Variants in DCDC1 observed in about 807,000 individuals in gnomAD.
DCDC1 encodes doublecortin domain containing 1.
Under a neutral mutation model 178.3 loss-of-function variants are expected in DCDC1, and 200 were observed. That is an observed-to-expected ratio of 1.12 (90% CI 1.00 to 1.26). DCDC1 has a LOEUF of 1.26. DCDC1 is among the 50% of genes most tolerant of loss of function. The probability of loss-of-function intolerance (pLI) is 0.00; values close to 1 mark genes in which losing one functional copy is unlikely to be tolerated. For missense variants in DCDC1, 1,983 were observed against 1,749.2 expected, an observed-to-expected ratio of 1.13 and a Z score of -2.38; for synonymous variants, 690 against 604.8, an observed-to-expected ratio of 1.14 and a Z score of -2.07.
chr11:31,003,985 T>C (rs1460964701), intron 20 of DCDC1, among the ~76,000 whole-genome samples: 1 of 152,146 alleles, frequency 6.6e-6, no homozygotes, highest in Non-Finnish European at 1.5e-5. Context: ...CTTGGGCAAG[T>C]GGTGGCTGGT....
At chr11:31,309,801 C>T (rs1390499771) in intron 3 of DCDC1, among the ~76,000 whole-genome samples, 2 of 152,062 alleles carry the variant, frequency 1.3e-5, no homozygotes, top group Non-Finnish European at 2.9e-5. Context: ...TTTTCATATT[C>T]TGAAGTTTTA....
At chr11:30,878,247 G>T (rs1488361159) in intron 38 of DCDC1, among the ~76,000 whole-genome samples, 1 of 152,070 alleles carries the variant, frequency 6.6e-6, no homozygotes, top group Non-Finnish European at 1.5e-5. Context: ...GAGCTCAGGA[G>T]TTCAAGACCA....
rs577651828 is a variant in DCDC1, at chr11:31,179,893, A to T, written c.1222-42109T>A. Among the ~76,000 whole-genome samples the T allele has an allele frequency of 5.9e-5, 9 of 152,380 alleles. No individual in the cohort carries two copies. The East Asian group carries it at 1.5e-3, about 26-fold the overall frequency. Reference sequence around the variant, plus strand: ...CATAGATGCAAAAATTCTCAACAAGATATTAGCAAGCCAAATCCAACAGCA... The same window carrying T: ...CATAGATGCAAAAATTCTCAACAAGTTATTAGCAAGCCAAATCCAACAGCA... On this transcript the variant is annotated intron_variant, in intron 9 of 38. Coordinates refer to ENST00000684477, the MANE Select transcript of DCDC1 (RefSeq NM_001387274.1).
At chr11:31,057,571 T>C (rs1028474125) in intron 20 of DCDC1, among the ~76,000 whole-genome samples, 1 of 152,054 alleles carries the variant, frequency 6.6e-6, no homozygotes, top group East Asian at 1.9e-4. Context: ...TATCCTTAAA[T>C]GTACACATCA....
chr11:31,367,703 A>T (rs1952033447), intron 1 of DCDC1, among the ~76,000 whole-genome samples: 1 of 152,220 alleles, frequency 6.6e-6, no homozygotes, highest in South Asian at 2.1e-4. Flanking sequence ...TAGTAGGAGA[A>T]AAGAATGTAA....
intron 1 of DCDC1, among the ~76,000 whole-genome samples, chr11:31,345,521 T>A (rs1336753941): frequency 6.6e-6 from 1 of 151,822 alleles, no homozygotes; most frequent in Non-Finnish European, 1.5e-5. Context: ...ATGTGGGGAG[T>A]GTCAAAAGCA....
intron 29 of DCDC1, among the ~76,000 whole-genome samples, chr11:30,907,565 G>A (rs1349410862): frequency 1.3e-5 from 2 of 152,070 alleles, no homozygotes; most frequent in East Asian, 1.9e-4. Flanking sequence ...GCTGCCATTG[G>A]AACCCCGAGA....
chr11:31,068,765 T>G (rs1300208560), intron 18 of DCDC1, among the ~76,000 whole-genome samples: 5 of 152,276 alleles, frequency 3.3e-5, no homozygotes, highest in East Asian at 3.9e-4. Flanking sequence ...TAATAATTTT[T>G]GGGAATATAC....
chr11:31,037,223 T>C (rs542655387), intron 20 of DCDC1, among the ~76,000 whole-genome samples: 1 of 152,246 alleles, frequency 6.6e-6, no homozygotes, highest in Admixed American at 6.5e-5. Flanking sequence ...ATTGTGCACA[T>C]ATGGCGCCAT....
intron 18 of DCDC1, among the ~76,000 whole-genome samples, chr11:31,065,751 T>C (rs1178043488): frequency 6.6e-6 from 1 of 152,128 alleles, no homozygotes; most frequent in African/African-American, 2.4e-5. Context: ...ATGAAGCACA[T>C]GAGGCACACG....
chr11:31,190,824 C>A (rs1970047687), intron 9 of DCDC1, among the ~76,000 whole-genome samples: 1 of 151,948 alleles, frequency 6.6e-6, no homozygotes, highest in South Asian at 2.1e-4. Flanking sequence ...TTTGTGATTT[C>A]TTTTTTTCTA....
intron 1 of DCDC1, among the ~76,000 whole-genome samples, chr11:31,337,281 T>C (rs902510096): frequency 2.6e-5 from 4 of 152,200 alleles, no homozygotes; most frequent in African/African-American, 4.8e-5. Context: ...TGTTTGTGTA[T>C]CCCAAACTGA....
intron 21 of DCDC1, among the ~76,000 whole-genome samples, chr11:30,945,393 T>C (rs183030299): frequency 6.6e-6 from 1 of 152,198 alleles, no homozygotes; most frequent in East Asian, 1.9e-4. Flanking sequence ...CCAAGTTATA[T>C]ATATATATGC....
In DCDC1 at chr11:30,925,323, G is replaced by T; in HGVS notation, c.2983C>A (p.Gln995Lys). The change falls in exon 23 of 39, where the codon CAA (glutamine) becomes AAA (lysine). Residue 995 changes from glutamine (Q) to lysine (K), a missense_variant. By Grantham distance (53) the Gln-to-Lys change is moderately conservative. Coordinates refer to ENST00000684477, the MANE Select transcript of DCDC1 (RefSeq NM_001387274.1). ...CATGTCTTTACCAGTTCATCTCTTTGCAGGTCTTTTAAGGCAAATATTTCC... is the reference window on the plus strand; with the variant it reads ...CATGTCTTTACCAGTTCATCTCTTTTCAGGTCTTTTAAGGCAAATATTTCC... ...GKEIFALKDL[Q>K]RDELVYVSCG... 6.2e-7 allele frequency: 1 copy of T among 1,613,452 alleles called. No homozygotes were observed. The highest frequency in any genetic ancestry group is 1.1e-5 in the South Asian group (1 of 91,044).
intron 1 of DCDC1, among the ~76,000 whole-genome samples, chr11:31,335,783 A>T (rs926832117): frequency 6.6e-6 from 1 of 152,212 alleles, no homozygotes; most frequent in Non-Finnish European, 1.5e-5. Context: ...GATCCTTTCC[A>T]GGGTGTAATC....
chr11:30,931,654 G>A, intron 22 of DCDC1, 117 bp downstream of exon 22: 1 of 1,022,568 alleles, frequency 9.8e-7, no homozygotes, highest in Non-Finnish European at 1.4e-6. Context: ...ATATGAATAT[G>A]GGAGCCCTTT....
chr11:30,916,643 C>T (rs141602493), intron 26 of DCDC1, among the ~76,000 whole-genome samples: 30 of 152,046 alleles, frequency 2.0e-4, no homozygotes, highest in African/African-American at 7.2e-4. Flanking sequence ...TAGAAAAAAA[C>T]ACACAAATGA....
At chr11:30,891,038 G>A (rs1260263825) in intron 36 of DCDC1, among the ~76,000 whole-genome samples, 1 of 152,124 alleles carries the variant, frequency 6.6e-6, no homozygotes, top group Non-Finnish European at 1.5e-5. Context: ...GATATGTACA[G>A]CCAAATTGTC....
intron 20 of DCDC1, among the ~76,000 whole-genome samples, chr11:31,043,366 C>T (rs1247722771): frequency 6.6e-6 from 1 of 152,118 alleles, no homozygotes. Flanking sequence ...GACAAAGCTG[C>T]TGACATCATG....
Sources: gnomAD v4.1 joint callset for allele counts (sites outside exome capture counted in the v4.1 genomes callset) on GRCh38, gnomAD v4.1.1 for gene constraint, MANE v1.5 for transcripts, NCBI Gene and HGNC (gene_info 2026-07-23, HGNC 2026-07-21) for gene names.